ADAMTS19: variants seen among roughly 807,000 people sequenced by gnomAD.
ADAMTS19 encodes A disintegrin and metalloproteinase with thrombospondin motifs 19.
A neutral mutation model predicts 153.3 loss-of-function variants in ADAMTS19; 93 were observed. The observed-to-expected ratio is 0.61, with a 90% CI of 0.51 to 0.72. The LOEUF (loss-of-function observed/expected upper bound fraction) is 0.72. Among genes scored for constraint, ADAMTS19 ranks in the 30% least tolerant of loss-of-function variants. ADAMTS19 has a pLI of 0.00. For missense variants in ADAMTS19, 1,482 were observed against 1,552.1 expected (o/e 0.95, Z 0.76); for synonymous variants, 600 against 556.6 (o/e 1.08, Z -1.10).
rs591997 is a variant in ADAMTS19, at chr5:129,658,371, G to A, written c.2305-246G>A. ...AAAGAAAGAAAGAAAGAAAGAAAGA[G>A]AGAGAGGAAGGAAGGAAGGTAGGTA... On this transcript the variant is annotated intron_variant, in intron 14 of 22. Coordinates refer to ENST00000274487, the MANE Select transcript of ADAMTS19 (RefSeq NM_133638.6). Among the ~76,000 whole-genome samples the A allele has an allele frequency of 4.7e-3, 686 of 144,626 alleles. 19 individuals are homozygous for A. The highest frequency in any genetic ancestry group is 0.017 in the African/African-American group (647 of 38,328). 94.9% of individuals were successfully genotyped at this position (144,626 alleles called of 152,430 possible). A position where few individuals can be genotyped will look rare whatever the true frequency, so the allele number is the denominator to read the frequency against.
At chr5:129,532,447 A>G (rs1222855158) in intron 6 of ADAMTS19, among the ~76,000 whole-genome samples, 1 of 152,172 alleles carries the variant, frequency 6.6e-6, no homozygotes, top group Admixed American at 6.5e-5. Context: ...AAAATTGAAA[A>G]TACTCAATGA....
chr5:129,569,959 A>G (rs976875752), intron 7 of ADAMTS19, among the ~76,000 whole-genome samples: 1 of 152,006 alleles, frequency 6.6e-6, no homozygotes, highest in Non-Finnish European at 1.5e-5. Context: ...CCAGAAGGAA[A>G]GAAGTAGTAA....
In ADAMTS19 at chr5:129,738,123, T is replaced by C. The variant is rs1365509743; in HGVS notation, c.*905T>C. 1.3e-5 allele frequency: 2 copies of C among 152,458 alleles called. No homozygotes were observed. Among genetic ancestry groups the C allele is most frequent in the African/African-American group, 4.8e-5 (2 of 41,434 alleles). 9.4% of individuals were successfully genotyped at this position (152,458 alleles called of 1,614,324 possible). A position where few individuals can be genotyped will look rare whatever the true frequency, so the allele number is the denominator to read the frequency against. On this transcript the variant is annotated 3_prime_UTR_variant, in exon 23 of 23. Coordinates refer to ENST00000274487, the MANE Select transcript of ADAMTS19 (RefSeq NM_133638.6). ...GAATCATAATTAGAAAATTTACTAGTATTTCTCAGCCTTTTCCCTAGGAAC... is the reference window on the plus strand; with the variant it reads ...GAATCATAATTAGAAAATTTACTAGCATTTCTCAGCCTTTTCCCTAGGAAC...
chr5:129,681,042 G>T (rs1754785228), intron 17 of ADAMTS19, among the ~76,000 whole-genome samples: 1 of 152,168 alleles, frequency 6.6e-6, no homozygotes, highest in Non-Finnish European at 1.5e-5. Context: ...TCAATTAACT[G>T]TTTATTTGGA....
intron 2 of ADAMTS19, among the ~76,000 whole-genome samples, chr5:129,495,449 G>C (rs1448466252): frequency 1.3e-5 from 2 of 152,108 alleles, no homozygotes; most frequent in Admixed American, 6.6e-5. Flanking sequence ...ACGGGACCAT[G>C]AGAATATTTG....
At chr5:129,589,991 AT>A in intron 7 of ADAMTS19, among the ~76,000 whole-genome samples, 1 of 152,136 alleles carries the variant, frequency 6.6e-6, no homozygotes. Context: ...TCGGGTTTTG[AT>A]TTCTAGCATT....
At chr5:129,491,785 A>G (rs1269114577) in intron 2 of ADAMTS19, among the ~76,000 whole-genome samples, 3 of 152,150 alleles carry the variant, frequency 2.0e-5, no homozygotes, top group Non-Finnish European at 4.4e-5. Flanking sequence ...CTCTTTTAAT[A>G]CTTTTGTATT....
At chr5:129,712,992 C>G (rs575514591) in intron 21 of ADAMTS19, among the ~76,000 whole-genome samples, 1 of 152,324 alleles carries the variant, frequency 6.6e-6, no homozygotes, top group African/African-American at 2.4e-5. Context: ...TTCATAGCTT[C>G]TAGCACAATT....
At chr5:129,646,549 T>C (rs994728840) in intron 11 of ADAMTS19, among the ~76,000 whole-genome samples, 1 of 152,202 alleles carries the variant, frequency 6.6e-6, no homozygotes, top group African/African-American at 2.4e-5. Flanking sequence ...TCTGAAATTA[T>C]TAACATAATG....
chr5:129,605,406 G>A (rs1377106398), intron 8 of ADAMTS19, among the ~76,000 whole-genome samples: 1 of 152,152 alleles, frequency 6.6e-6, no homozygotes, highest in Admixed American at 6.6e-5. Flanking sequence ...GTCACTTTGG[G>A]GACTTGGCCT....
At chr5:129,647,692 T>G in intron 11 of ADAMTS19, 73 bp from the exon 12 acceptor site, 35 of 1,523,582 alleles carry the variant, frequency 2.3e-5, no homozygotes, top group Non-Finnish European at 3.1e-5. Context: ...GCAATTCCAG[T>G]GACATTATAG....
intron 8 of ADAMTS19, among the ~76,000 whole-genome samples, chr5:129,608,116 G>GTGTGTGTGTGTGTATATATATA (rs377008786): frequency 6.3e-5 from 3 of 47,946 alleles, no homozygotes; most frequent in Non-Finnish European, 1.5e-4. Flanking sequence ...GTGTGTGTGT[G>GTGTGTGTGTGTGTATATATATA]TATATATATA....
intron 6 of ADAMTS19, among the ~76,000 whole-genome samples, chr5:129,544,384 GC>G (rs1420622677): frequency 6.6e-6 from 1 of 152,048 alleles, no homozygotes; most frequent in Non-Finnish European, 1.5e-5. Context: ...AATAAAAAAG[GC>G]CTATGGCTTG....
chr5:129,618,836 A>T (rs2126972535), intron 8 of ADAMTS19, among the ~76,000 whole-genome samples: 1 of 152,088 alleles, frequency 6.6e-6, no homozygotes, highest in Middle Eastern at 3.4e-3. Flanking sequence ...TTCAGTACTA[A>T]CCCTCATCCA....
At chr5:129,727,556 A>G (rs1757257691) in intron 21 of ADAMTS19, among the ~76,000 whole-genome samples, 2 of 152,206 alleles carry the variant, frequency 1.3e-5, no homozygotes, top group Non-Finnish European at 2.9e-5. Context: ...AGTATTAAAT[A>G]GTGCTTAAGC....
intron 21 of ADAMTS19, among the ~76,000 whole-genome samples, chr5:129,725,851 T>C (rs1054068190): frequency 2.0e-5 from 3 of 152,090 alleles, no homozygotes; most frequent in African/African-American, 4.8e-5. Flanking sequence ...TTGGGGGACT[T>C]AGAATTTTAT....
At chr5:129,554,203 G>A (rs111817783) in intron 7 of ADAMTS19, among the ~76,000 whole-genome samples, 1,922 of 152,164 alleles carry the variant, frequency 0.013, 30 homozygotes, top group African/African-American at 0.039. Flanking sequence ...GGATACAAAG[G>A]GATAACTGTA....
chr5:129,598,423 T>C (rs915013022), intron 8 of ADAMTS19, among the ~76,000 whole-genome samples: 2 of 152,172 alleles, frequency 1.3e-5, no homozygotes, highest in Admixed American at 1.3e-4. Context: ...CAATTTACAT[T>C]GGACATGACA....
At chr5:129,540,468 G>A (rs889637918) in intron 6 of ADAMTS19, among the ~76,000 whole-genome samples, 2 of 151,950 alleles carry the variant, frequency 1.3e-5, no homozygotes, top group African/African-American at 4.8e-5. Flanking sequence ...TCATGGAGAA[G>A]GCATATATCT....
Sources: allele counts gnomAD v4.1 joint callset (sites outside exome capture counted in the v4.1 genomes callset), GRCh38; gene constraint gnomAD v4.1.1; transcripts MANE v1.5; gene names NCBI Gene and HGNC (gene_info 2026-07-23, HGNC 2026-07-21).